NDUFAF6: variants seen among roughly 807,000 people sequenced by gnomAD.
NDUFAF6 encodes NADH dehydrogenase (ubiquinone) complex I, assembly factor 6.
NDUFAF6 carries 45 observed loss-of-function variants against 40.8 expected under a neutral mutation model. The ratio of observed to expected loss-of-function variants is 1.10; its 90% confidence interval spans 0.87 to 1.42. The LOEUF (loss-of-function observed/expected upper bound fraction) is 1.42, where lower values mean the gene tolerates loss of function less well. NDUFAF6 is among the 40% of genes most tolerant of loss of function. The pLI is 0.00. For missense variants in NDUFAF6, 435 were observed against 418.5 expected, an observed-to-expected ratio of 1.04 and a Z score of -0.34; for synonymous variants, 185 against 155.9, an observed-to-expected ratio of 1.19 and a Z score of -1.39.
At chr8:94,933,153 T>C (rs748022467) in intron 1 of NDUFAF6, among the ~76,000 whole-genome samples, 3 of 152,074 alleles carry the variant, frequency 2.0e-5, no homozygotes, top group Admixed American at 6.6e-5. Flanking sequence ...AGTGCGGAGG[T>C]TGCAGTGAGC....
chr8:94,934,123 A>G (rs1005255670), intron 1 of NDUFAF6, among the ~76,000 whole-genome samples: 1 of 142,504 alleles, frequency 7.0e-6, no homozygotes, highest in Non-Finnish European at 1.5e-5. Flanking sequence ...ATTTAGGTTA[A>G]AAGTTTATGT....
chr8:95,050,240 A>T (rs1831277310), intron 7 of NDUFAF6, among the ~76,000 whole-genome samples: 1 of 152,242 alleles, frequency 6.6e-6, no homozygotes, highest in African/African-American at 2.4e-5. Flanking sequence ...TGGGGTAGTA[A>T]ATCTGGGATG....
At chr8:95,065,207 T>G (rs1233190799) in intron 9 of NDUFAF6, among the ~76,000 whole-genome samples, 1 of 152,180 alleles carries the variant, frequency 6.6e-6, no homozygotes, top group Non-Finnish European at 1.5e-5. Flanking sequence ...AGATGTTTGG[T>G]CAGAAGCACA....
chr8:94,903,810 C>T lies in NDUFAF6; in HGVS notation c.-936+7883C>T, dbSNP rs117738885. 1.2e-3 allele frequency among the ~76,000 whole-genome samples: 177 copies of T among 152,290 alleles called. 2 individuals are homozygous for T. In the East Asian group the frequency reaches 0.028, roughly 24 times the overall value. On this transcript the variant is annotated intron_variant, in intron 1 of 14. Transcript: ENST00000396113. Reference sequence around the variant, plus strand: ...TAGTTTTTAAGGCGCTGTTTCTGAACTATTTACTCACTCCTCCCCACCCTG... The same window carrying T: ...TAGTTTTTAAGGCGCTGTTTCTGAATTATTTACTCACTCCTCCCCACCCTG...
At chr8:95,087,221 A>G (rs553139376) in intron 2 of NDUFAF6, among the ~76,000 whole-genome samples, 4 of 152,148 alleles carry the variant, frequency 2.6e-5, no homozygotes, top group African/African-American at 9.6e-5. Context: ...TGCAAATACA[A>G]CTTTTCATAC....
upstream of NDUFAF6, among the ~76,000 whole-genome samples, chr8:94,953,349 G>GAA (rs958962990): frequency 0.024 from 3,072 of 128,280 alleles, 54 homozygotes; most frequent in African/African-American, 0.047. Flanking sequence ...TCCATCTCAA[G>GAA]AAAAAAAAAA....
At chr8:94,938,021 G>A (rs1280239797) in intron 1 of NDUFAF6, among the ~76,000 whole-genome samples, 19 of 152,122 alleles carry the variant, frequency 1.2e-4, no homozygotes, top group African/African-American at 4.6e-4. Flanking sequence ...AGAGAAAGAA[G>A]ATAAAAGAAT....
intron 8 of NDUFAF6, 121 bp from the exon 9 acceptor site, chr8:95,057,688 G>T (rs1173135286): frequency 7.8e-6 from 6 of 773,334 alleles, no homozygotes; most frequent in Non-Finnish European, 1.2e-5. Context: ...CACTTAAATA[G>T]AAAACCATCT....
intron 2 of NDUFAF6, among the ~76,000 whole-genome samples, chr8:94,999,759 T>C (rs569955746): frequency 3.0e-4 from 45 of 152,298 alleles, no homozygotes; most frequent in African/African-American, 8.4e-4. Flanking sequence ...ACTTTCTACA[T>C]TGATTTTGCA....
At chr8:94,968,626 C>A (rs112411609) in intron 1 of NDUFAF6, among the ~76,000 whole-genome samples, 19,913 of 152,134 alleles carry the variant, frequency 0.13, 1,637 homozygotes, top group Middle Eastern at 0.23. Flanking sequence ...GGGGTGGGAT[C>A]ACGAAGAGAC....
At chr8:94,935,116 T>A (rs1820828265) in intron 1 of NDUFAF6, among the ~76,000 whole-genome samples, 1 of 138,080 alleles carries the variant, frequency 7.2e-6, no homozygotes, top group Non-Finnish European at 1.5e-5. Context: ...GGTAGGTACA[T>A]AGGTAGATAG....
intron 5 of NDUFAF6, among the ~76,000 whole-genome samples, chr8:95,046,061 A>ATTTAT (rs1554676333): frequency 1.2e-4 from 18 of 144,752 alleles, no homozygotes; most frequent in Non-Finnish European, 1.9e-4. Flanking sequence ...ATTTTATTTT[A>ATTTAT]TTTATTTTAT....
intron 3 of NDUFAF6, chr8:95,040,994 G>C (rs1175171663): frequency 6.6e-6 from 1 of 152,302 alleles, no homozygotes; most frequent in Non-Finnish European, 1.5e-5. Flanking sequence ...GATTATTTTT[G>C]TTGGAGTTTT....
intron 1 of NDUFAF6, chr8:94,930,394 G>C: frequency 6.5e-7 from 1 of 1,547,414 alleles, no homozygotes; most frequent in Non-Finnish European, 8.8e-7. Flanking sequence ...TGGTTGTAAA[G>C]AGACAACATT....
downstream of NDUFAF6, among the ~76,000 whole-genome samples, chr8:95,062,689 C>T (rs762765616): frequency 1.3e-5 from 2 of 152,234 alleles, no homozygotes; most frequent in Non-Finnish European, 2.9e-5. Context: ...TCACAAAGCA[C>T]AGCCATGCTT....
At chr8:95,060,306 T>A (rs1370194849), downstream of NDUFAF6, among the ~76,000 whole-genome samples, 1 of 152,252 alleles carries the variant, frequency 6.6e-6, no homozygotes, top group Non-Finnish European at 1.5e-5. Context: ...TAGAATATTT[T>A]AAAGGAGTCA....
intron 1 of NDUFAF6, among the ~76,000 whole-genome samples, chr8:94,909,666 G>A (rs1256779433): frequency 1.3e-5 from 2 of 151,490 alleles, no homozygotes; most frequent in Non-Finnish European, 2.9e-5. Context: ...AGCCGGGCGT[G>A]GTAGCTCCTA....
chr8:95,008,757 C>G (rs986320332), intron 2 of NDUFAF6, among the ~76,000 whole-genome samples: 9 of 152,172 alleles, frequency 5.9e-5, no homozygotes, highest in African/African-American at 2.2e-4. Context: ...GATCTGCCCC[C>G]CTCAGCCTCC....
At chr8:94,995,888 C>T (rs561798232) in intron 2 of NDUFAF6, among the ~76,000 whole-genome samples, 1 of 152,300 alleles carries the variant, frequency 6.6e-6, no homozygotes, top group Admixed American at 6.5e-5. Context: ...AGCAAATCTC[C>T]CGTCTCAGCC....
Sources: gnomAD v4.1 joint callset for allele counts (sites outside exome capture counted in the v4.1 genomes callset) on GRCh38, gnomAD v4.1.1 for gene constraint, MANE v1.5 for transcripts, NCBI Gene and HGNC (gene_info 2026-07-23, HGNC 2026-07-21) for gene names.